SPTBN4: variants seen among roughly 807,000 people sequenced by gnomAD.
SPTBN4 encodes spectrin beta, non-erythrocytic 4, also known as spectrin beta chain, non-erythrocytic 4.
A neutral mutation model predicts 277.8 loss-of-function variants in SPTBN4; 96 were observed. The observed-to-expected ratio is 0.35, with a 90% CI of 0.29 to 0.41. The LOEUF (loss-of-function observed/expected upper bound fraction) is 0.41, where lower values mean the gene tolerates loss of function less well. Among genes scored for constraint, SPTBN4 ranks in the 10% least tolerant of loss-of-function variants. The pLI is 1.00. For synonymous variants in SPTBN4, 1,481 were observed against 1,580.3 expected (o/e 0.94, Z 1.49); for missense variants, 3,006 against 3,595.7 (o/e 0.84, Z 4.19).
At chr19:40,570,942 A>C in intron 33 of SPTBN4, 61 of 406,458 alleles carry the variant, frequency 1.5e-4, no homozygotes, top group East Asian at 2.4e-4. Flanking sequence ...AGGCCCTCCA[A>C]CCCGTGGGGG....
intron 31 of SPTBN4, among the ~76,000 whole-genome samples, chr19:40,569,426 C>CA (rs58192016): frequency 0.13 from 15,479 of 120,580 alleles, 1,011 homozygotes; most frequent in Non-Finnish European, 0.16. Flanking sequence ...GACTCCGTCT[C>CA]AAAAAAAAAA....
rs1350058464 is a variant in SPTBN4 at position 40,467,144 on chromosome 19, A to AGGCGCGGC, written c.-171_-164dup. The AGGCGCGGC allele has an allele frequency of 1.4e-5, 2 of 147,820 alleles. No homozygotes were observed. The highest frequency in any genetic ancestry group is 3.0e-5 in the Non-Finnish European group (2 of 66,254). 9.2% of individuals were successfully genotyped at this position (147,820 alleles called of 1,614,324 possible). Reference sequence around the variant, plus strand: ...AGCGCGGCGGCGGCGCGAGAGAGGGAGGCGCGGCGGCGCATGCGGATCTGG... The same window carrying AGGCGCGGC: ...AGCGCGGCGGCGGCGCGAGAGAGGGAGGCGCGGCGGCGCGGCGGCGCATGCGGATCTGG... On this transcript the variant is annotated 5_prime_UTR_variant, in exon 1 of 36. Coordinates refer to ENST00000598249, the MANE Select transcript of SPTBN4 (RefSeq NM_020971.3).
At position 40,515,420 on chromosome 19, in the gene SPTBN4, C is replaced by A; in HGVS notation, c.2875C>A (p.Arg959Ser). 6.3e-7 allele frequency: 1 copy of A among 1,575,960 alleles called. No homozygotes were observed. The highest frequency in any genetic ancestry group is 2.3e-5 in the East Asian group (1 of 43,474). The change falls in exon 15 of 36, where the codon CGT becomes AGT. Residue 959 changes from arginine (R) to serine (S), a missense_variant. Around this residue, in one of 5 missense-constraint regions of SPTBN4, gnomAD observed 1,759 missense variants for 2,061.5 expected, o/e 0.85. Transcript: ENST00000598249. The surrounding 1 kb of genome is among the most constrained non-coding windows in gnomAD (Gnocchi z 4.1). ...EGGHPSSDEV[R>S]SCQDHLNSRW... The stretch of plus-strand genomic sequence containing the variant: ...AGGCCACCCCAGTTCAGATGAGGTG[C>A]GTTCCTGCCAGGACCACCTCAACAG...
chr19:40,487,728 C>T lies in SPTBN4; in HGVS notation c.201C>T (p.Phe67=), dbSNP rs2080088457. Residue 67 remains phenylalanine, a synonymous_variant, in exon 3 of 36, where the codon TTC becomes TTT. Coordinates refer to ENST00000598249, the MANE Select transcript of SPTBN4 (RefSeq NM_020971.3). ...DEREAVQKKT[F]TKWVNSHLAR... Reference sequence around the variant, plus strand: ...GGGAAGCCGTGCAGAAGAAAACCTTCACCAAGTGGGTGAACTCGCACCTCG... The same window carrying T: ...GGGAAGCCGTGCAGAAGAAAACCTTTACCAAGTGGGTGAACTCGCACCTCG... 1 of 1,613,636 alleles carries T rather than the reference C, an allele frequency of 6.2e-7. No homozygotes were observed. Among genetic ancestry groups the T allele is most frequent in the South Asian group, 1.1e-5 (1 of 91,022 alleles).
chr19:40,469,499 G>A (rs892420614), intron 1 of SPTBN4, among the ~76,000 whole-genome samples: 1 of 149,016 alleles, frequency 6.7e-6, no homozygotes, highest in Middle Eastern at 3.7e-3. Context: ...TCCTGACCTC[G>A]TGATCCACCC....
At chr19:40,530,280 C>T (rs1394839205) in intron 18 of SPTBN4, among the ~76,000 whole-genome samples, 1 of 152,106 alleles carries the variant, frequency 6.6e-6, no homozygotes, top group Non-Finnish European at 1.5e-5. Context: ...GGAGCACCCC[C>T]CATCCCTCAT....
intron 2 of SPTBN4, among the ~76,000 whole-genome samples, chr19:40,478,962 A>G (rs1415789274): frequency 6.6e-6 from 1 of 152,244 alleles, no homozygotes; most frequent in Non-Finnish European, 1.5e-5. Flanking sequence ...ACCCCAAACC[A>G]GTAACATTCA....
intron 2 of SPTBN4, among the ~76,000 whole-genome samples, chr19:40,483,434 C>G (rs2080034644): frequency 6.6e-6 from 1 of 151,754 alleles, no homozygotes; most frequent in Non-Finnish European, 1.5e-5. Flanking sequence ...ATTAAAAATA[C>G]AATTTTTTAA....
chr19:40,512,957 A>T lies in SPTBN4; in HGVS notation c.2168A>T (p.Glu723Val). 7.1e-7 allele frequency: 1 copy of T among 1,414,458 alleles called. No homozygotes were observed. The allele number at this position is 1,414,458 out of a possible 1,614,324, so 87.6% of individuals were successfully genotyped here. A position where few individuals can be genotyped will look rare whatever the true frequency, so the allele number is the denominator to read the frequency against. The change falls in exon 14 of 36, where the codon GAG becomes GTG. Residue 723 changes from glutamate to valine, a missense_variant. Glu to Val is a moderately radical substitution (Grantham distance 121). Transcript: ENST00000598249. ...ALLQQALRCG[E>V]ELVAAGGAVG... ...CTGCAGCAGGCCCTGCGGTGTGGCG[A>T]GGAGCTGGTTGCGGCCGGCGGTGCC...
chr19:40,538,004 C>T (rs2145906484), intron 20 of SPTBN4, among the ~76,000 whole-genome samples: 1 of 152,310 alleles, frequency 6.6e-6, no homozygotes, highest in Non-Finnish European at 1.5e-5. Flanking sequence ...GGAGCTTTTG[C>T]TCCTCCCTAG....
At position 40,570,468 on chromosome 19, in the gene SPTBN4, A is replaced by G. The variant is rs2081143542; in HGVS notation, c.7059A>G (p.Pro2353=). ...TGCCTCAGCCACGCGAGCTTCCCCC[A>G]GGTCGCCTGCCCAACGGGCTTGAGC... The part of the protein sequence containing the change: ...PSLPQPRELP[P]GRLPNGLELP... The change falls in exon 33 of 36, where the codon CCA becomes CCG. Residue 2353 remains proline, a synonymous_variant. Transcript: ENST00000598249. 1 of 1,562,402 alleles carries G rather than the reference A, an allele frequency of 6.4e-7. No homozygotes were observed. Among genetic ancestry groups the G allele is most frequent in the Non-Finnish European group, 8.6e-7 (1 of 1,163,350 alleles).
chr19:40,515,237 G>C lies in SPTBN4; in HGVS notation c.2766-74G>C. ...AAGGGTGGATTGAGAATTAGGAGTA[G>C]AACCAGTAGAAGGTATTTCATAAAA... On this transcript the variant is annotated intron_variant, in intron 14 of 35. Transcript: ENST00000598249. The surrounding 1 kb of genome is among the most constrained non-coding windows in gnomAD (Gnocchi z 4.1). 1 of 1,531,188 alleles carries C rather than the reference G, an allele frequency of 6.5e-7. No individual in the cohort carries two copies. Among genetic ancestry groups the C allele is most frequent in the Non-Finnish European group, 8.8e-7 (1 of 1,140,556 alleles). The allele number at this position is 1,531,188 out of a possible 1,614,324, so 94.9% of individuals were successfully genotyped here.
chr19:40,499,357 A>G (rs2080238611), intron 7 of SPTBN4, among the ~76,000 whole-genome samples: 1 of 151,680 alleles, frequency 6.6e-6, no homozygotes, highest in Admixed American at 6.6e-5. Flanking sequence ...TTATTTTTTT[A>G]TCCAACTGAA....
At chr19:40,501,851 C>T (rs935075885) in intron 7 of SPTBN4, 70 bp from the exon 8 acceptor site, 25 of 1,316,630 alleles carry the variant, frequency 1.9e-5, no homozygotes, top group Non-Finnish European at 2.7e-5. Flanking sequence ...CTCCATCCCT[C>T]CATCCAATAC....
Position 40,550,266 on chromosome 19 carries a change from C to A in SPTBN4, c.4613C>A (p.Ala1538Asp). 6.2e-7 allele frequency: 1 copy of A among 1,613,360 alleles called. No individual in the cohort carries two copies. Among genetic ancestry groups the A allele is most frequent in the Non-Finnish European group, 8.5e-7 (1 of 1,180,006 alleles). ...TGGGTTCAGGAGCGGCTGCCACTGG[C>A]CATGCAGACAGAGCGAGGCAACGGT... ...LAWVQERLPL[A>D]MQTERGNGLQ... The change falls in exon 22 of 36, where the codon GCC (alanine) becomes GAC (aspartate). Residue 1538 changes from alanine (A) to aspartate (D), a missense_variant. By Grantham distance (126) the Ala-to-Asp change is moderately radical. Transcript: ENST00000598249.
intron 18 of SPTBN4, 92 bp downstream of exon 18, chr19:40,529,223 C>T: frequency 1.6e-6 from 2 of 1,244,170 alleles, no homozygotes; most frequent in South Asian, 1.2e-5. Context: ...GACGCCCCGT[C>T]TAAGTGGGTC....
At chr19:40,546,959 A>T (rs1351017561) in intron 20 of SPTBN4, among the ~76,000 whole-genome samples, 1 of 152,210 alleles carries the variant, frequency 6.6e-6, no homozygotes, top group Non-Finnish European at 1.5e-5. Context: ...GCACTGATAC[A>T]TATCAATTTT....
At chr19:40,525,816 G>A (rs2080584296) in intron 17 of SPTBN4, among the ~76,000 whole-genome samples, 2 of 152,184 alleles carry the variant, frequency 1.3e-5, no homozygotes, top group African/African-American at 2.4e-5. Flanking sequence ...GTCAGGGCCC[G>A]GATGGGAGAC....
At chr19:40,512,078 G>T (rs1301117440) in intron 13 of SPTBN4, among the ~76,000 whole-genome samples, 3 of 152,052 alleles carry the variant, frequency 2.0e-5, no homozygotes, top group Admixed American at 2.0e-4. Flanking sequence ...AACCGAGATC[G>T]CGCTACTGCA....
Sources: allele counts gnomAD v4.1 joint callset (sites outside exome capture counted in the v4.1 genomes callset), GRCh38; gene constraint gnomAD v4.1.1; regional missense constraint gnomAD v4.1.1; non-coding constraint Gnocchi (gnomAD v3.1); transcripts MANE v1.5; gene names NCBI Gene and HGNC (gene_info 2026-07-23, HGNC 2026-07-21).